BAX: variants seen among roughly 807,000 people sequenced by gnomAD.
BAX encodes BCL2 associated X, apoptosis regulator, also known as apoptosis regulator BAX.
A neutral mutation model predicts 26.8 loss-of-function variants in BAX; 21 were observed. That is an observed-to-expected ratio of 0.78 (90% CI 0.56 to 1.13). BAX has a LOEUF of 1.13. BAX is among the 50% of genes most tolerant of loss of function. The pLI is 0.00. For missense variants in BAX, 236 were observed against 254.6 expected (o/e 0.93, Z 0.50); for synonymous variants, 110 against 101.8 (o/e 1.08, Z -0.49).
intron 1 of BAX, 186 bp downstream of exon 1, chr19:48,955,148 C>T: frequency 1.4e-6 from 1 of 690,126 alleles, no homozygotes; most frequent in East Asian, 3.4e-5. Context: ...CCCCGTGTCC[C>T]GATCCCTGCC....
intron 3 of BAX, 47 bp from the exon 4 acceptor site, chr19:48,956,151 T>G: frequency 6.8e-7 from 1 of 1,472,408 alleles, no homozygotes; most frequent in Non-Finnish European, 9.0e-7. Context: ...TTTTCCACCA[T>G]CAGCCTGATG....
intron 4 of BAX, among the ~76,000 whole-genome samples, chr19:48,957,766 A>T (rs1221905274): frequency 6.6e-6 from 1 of 152,230 alleles, no homozygotes; most frequent in Non-Finnish European, 1.5e-5. Context: ...AATGCATTCA[A>T]TGCCCCGATA....
rs536406169 is a variant in BAX at position 48,961,790 on chromosome 19, C to T, written c.*154C>T. 5.4e-5 allele frequency: 37 copies of T among 684,566 alleles called. No homozygotes were observed. The highest frequency in any genetic ancestry group is 4.2e-4 in the South Asian group (23 of 54,672). 42.4% of individuals were successfully genotyped at this position (684,566 alleles called of 1,614,324 possible). ...TCTTGAGGGGGTAATAAACCTCCTTCGGGACACACTTCGGCATCTGAGTCA... is the reference window on the plus strand; with the variant it reads ...TCTTGAGGGGGTAATAAACCTCCTTTGGGACACACTTCGGCATCTGAGTCA... On this transcript the variant is annotated 3_prime_UTR_variant, in exon 6 of 6. Coordinates refer to ENST00000345358, the MANE Select transcript of BAX (RefSeq NM_138761.4).
chr19:48,958,548 T>C lies in BAX; in HGVS notation c.369+2215T>C, dbSNP rs1478264565. The stretch of plus-strand genomic sequence containing the variant: ...GGGATATTTCTTTCTTTCTTTCTTT[T>C]TTTTTTTTCCTGAGACGGAGTCTCT... On this transcript the variant is annotated intron_variant, in intron 4 of 5. Coordinates refer to ENST00000345358, the MANE Select transcript of BAX (RefSeq NM_138761.4). Among the ~76,000 whole-genome samples, 116 of 150,016 alleles carry C rather than the reference T, an allele frequency of 7.7e-4. 1 individual carries two copies. Among genetic ancestry groups the C allele is most frequent in the Admixed American group, 7.7e-3 (116 of 15,076 alleles).
rs2038345775 is a variant in BAX, at chr19:48,961,175, T to G, written c.474+261T>G. ...TGTGACCTTGACTTGATTAGTGCCT[T>G]CTGCCCTCCCTGGAGCCTCCACTGC... On this transcript the variant is annotated intron_variant, in intron 5 of 5. Coordinates refer to ENST00000345358, the MANE Select transcript of BAX (RefSeq NM_138761.4). 7 of 1,521,634 alleles carry G rather than the reference T, an allele frequency of 4.6e-6. No homozygotes were observed. The Admixed American group carries it at 1.4e-4, about 30-fold the overall frequency. The allele number at this position is 1,521,634 out of a possible 1,614,324, so 94.3% of individuals were successfully genotyped here. A position where few individuals can be genotyped will look rare whatever the true frequency, so the allele number is the denominator to read the frequency against.
Position 48,961,514 on chromosome 19 carries a change from TG to T in BAX, c.475-17del. The T allele has an allele frequency of 6.3e-7, 1 of 1,589,138 alleles. No individual in the cohort carries two copies. Among genetic ancestry groups the T allele is most frequent in the South Asian group, 1.1e-5 (1 of 88,134 alleles). ...CCCCTGGCCGAGTCACTGAAGCGAC[TG>T]ATGTCCCTGTCTCCAGGACGGCCTC... is the stretch of plus-strand genomic sequence containing the variant. On this transcript the variant is annotated splice_polypyrimidine_tract_variant and intron_variant, in intron 5 of 5. Coordinates refer to ENST00000345358, the MANE Select transcript of BAX (RefSeq NM_138761.4).
intron 5 of BAX, chr19:48,961,266 C>A: frequency 7.0e-7 from 1 of 1,424,588 alleles, no homozygotes; most frequent in Non-Finnish European, 9.2e-7. Context: ...TTTTTTTTCC[C>A]CACTGAGAAG....
At chr19:48,957,517 C>T (rs1360332456) in intron 4 of BAX, among the ~76,000 whole-genome samples, 3 of 151,726 alleles carry the variant, frequency 2.0e-5, no homozygotes, top group African/African-American at 4.8e-5. Flanking sequence ...TCAAGTGATC[C>T]GCCCACCTTG....
chr19:48,955,853 C>T lies in BAX; in HGVS notation c.233+20C>T. The T allele has an allele frequency of 1.3e-6, 2 of 1,554,518 alleles. No individual in the cohort carries two copies. Among genetic ancestry groups the T allele is most frequent in the Non-Finnish European group, 1.7e-6 (2 of 1,148,050 alleles). On this transcript the variant is annotated intron_variant, in intron 3 of 5. Transcript: ENST00000345358. ...GCAGAGGTGTGGGCCCCTGAGGACC[C>T]AGAAGTCCAGCCACTGGGCTCCTTC...
rs548034937 is a variant in BAX at position 48,955,917 on chromosome 19, C to A, written c.233+84C>A. On this transcript the variant is annotated intron_variant, in intron 3 of 5. Transcript: ENST00000345358. ...CTCAGCCCCGCATTCTCCTCCTCCC[C>A]TAAGAACTAGGAGTCTGGGCCCCAC... The A allele has an allele frequency of 6.8e-6, 10 of 1,461,560 alleles. No individual in the cohort carries two copies. The East Asian group carries it at 2.1e-4, about 31-fold the overall frequency. The allele number at this position is 1,461,560 out of a possible 1,614,324, so 90.5% of individuals were successfully genotyped here. A position where few individuals can be genotyped will look rare whatever the true frequency, so the allele number is the denominator to read the frequency against.
rs1249224639 is a variant in BAX, at chr19:48,960,839, C to A, written c.399C>A (p.Ile133=). The A allele has an allele frequency of 6.2e-7, 1 of 1,613,954 alleles. No individual in the cohort carries two copies. The highest frequency in any genetic ancestry group is 1.3e-5 in the African/African-American group (1 of 74,928). The change falls in exon 5 of 6, where the codon ATC becomes ATA. Residue 133 remains isoleucine (I), a synonymous_variant. Coordinates refer to ENST00000345358, the MANE Select transcript of BAX (RefSeq NM_138761.4). ...TGTGCACCAAGGTGCCGGAACTGAT[C>A]AGAACCATCATGGGCTGGACATTGG... ...KALCTKVPEL[I]RTIMGWTLDF...
chr19:48,955,083 C>A, intron 1 of BAX, 121 bp downstream of exon 1: 1 of 1,162,736 alleles, frequency 8.6e-7, no homozygotes, highest in Non-Finnish European at 1.1e-6. Context: ...ACTCCCGGAT[C>A]GGGCGCTGCC....
chr19:48,956,377 G>A (rs747228737), intron 4 of BAX, 44 bp downstream of exon 4: 2 of 1,474,068 alleles, frequency 1.4e-6, no homozygotes, highest in African/African-American at 1.5e-5. Context: ...CTCCCCCTCA[G>A]ATCTGTGAGG....
At position 48,959,905 on chromosome 19, in the gene BAX, A is replaced by G. The variant is rs2038288317; in HGVS notation, c.370-905A>G. Among the ~76,000 whole-genome samples the G allele has an allele frequency of 2.0e-5, 3 of 149,934 alleles. 1 individual carries two copies. The South Asian group carries it at 6.4e-4, about 32-fold the overall frequency. On this transcript the variant is annotated intron_variant, in intron 4 of 5. Coordinates refer to ENST00000345358, the MANE Select transcript of BAX (RefSeq NM_138761.4). The stretch of plus-strand genomic sequence containing the variant: ...CCCTTTGGGAGGCTGGGGCAGGAGA[A>G]TTGCTTGAACCCAGAAGGCAAAGCT...
At chr19:48,958,565 G>A (rs1402770842) in intron 4 of BAX, among the ~76,000 whole-genome samples, 4 of 147,374 alleles carry the variant, frequency 2.7e-5, no homozygotes, top group Non-Finnish European at 6.0e-5. Context: ...TTCCTGAGAC[G>A]GAGTCTCTCT....
chr19:48,961,149 C>T, intron 5 of BAX: 1 of 1,539,210 alleles, frequency 6.5e-7, no homozygotes, highest in Non-Finnish European at 8.7e-7. Context: ...CCTGACCTCA[C>T]TGTGACCTTG....
At chr19:48,957,120 G>A (rs554344332) in intron 4 of BAX, among the ~76,000 whole-genome samples, 48 of 150,598 alleles carry the variant, frequency 3.2e-4, no homozygotes, top group Non-Finnish European at 6.6e-4. Context: ...CCTGAGGTAG[G>A]ACCAAGCCTC....
rs774285236 is a variant in BAX, at chr19:48,961,038, C to T, written c.474+124C>T. ...CTTCTGGAGCAGGTCACAGTGGTGC[C>T]CTCTCCCCATCTTCAGATCATCAGA... is the stretch of plus-strand genomic sequence containing the variant. On this transcript the variant is annotated intron_variant, in intron 5 of 5. Transcript: ENST00000345358. 27 of 1,611,692 alleles carry T rather than the reference C, an allele frequency of 1.7e-5. 1 individual carries two copies. In the South Asian group the frequency reaches 2.6e-4, roughly 16 times the overall value.
At chr19:48,955,257 A>G (rs1239190885) in intron 1 of BAX, 2 of 417,832 alleles carry the variant, frequency 4.8e-6, no homozygotes, top group African/African-American at 4.1e-5. Context: ...TGCCTCTGGC[A>G]CTGGTGGGAG....
Sources: gnomAD v4.1 joint callset for allele counts (sites outside exome capture counted in the v4.1 genomes callset) on GRCh38, gnomAD v4.1.1 for gene constraint, MANE v1.5 for transcripts, NCBI Gene and HGNC (gene_info 2026-07-23, HGNC 2026-07-21) for gene names.